CTNNA3: variants seen among roughly 807,000 people sequenced by gnomAD.
CTNNA3 encodes the protein catenin alpha-3.
Under a neutral mutation model 95.7 loss-of-function variants are expected in CTNNA3, and 76 were observed. That is an observed-to-expected ratio of 0.79 (90% confidence interval 0.66 to 0.96). CTNNA3 has a LOEUF of 0.96. CTNNA3 is among the 40% of genes least tolerant of loss of function. CTNNA3 has a pLI of 0.00. For synonymous variants in CTNNA3, 431 were observed against 374.4 expected (o/e 1.15, Z -1.74); for missense variants, 1,191 against 1,089.8 (o/e 1.09, Z -1.31).
At chr10:66,271,543 CA>C (rs1381864074) in intron 13 of CTNNA3, among the ~76,000 whole-genome samples, 2 of 152,108 alleles carry the variant, frequency 1.3e-5, no homozygotes, top group African/African-American at 4.8e-5. Context: ...TAACAAAAAG[CA>C]AACCAAAAAC....
intron 13 of CTNNA3, among the ~76,000 whole-genome samples, chr10:66,172,110 C>G (rs1453128889): frequency 6.6e-6 from 1 of 151,906 alleles, no homozygotes; most frequent in Non-Finnish European, 1.5e-5. Context: ...TTACATGTAT[C>G]CCTTATGAGA....
intron 10 of CTNNA3, 24 bp downstream of exon 10, chr10:66,621,668 C>T: frequency 7.1e-7 from 1 of 1,408,992 alleles, no homozygotes; most frequent in South Asian, 1.2e-5. Context: ...ATTTTACACA[C>T]AAAAAGTAAC....
chr10:67,567,775 C>T (rs1386748697), intron 3 of CTNNA3, among the ~76,000 whole-genome samples: 2 of 152,014 alleles, frequency 1.3e-5, no homozygotes, highest in African/African-American at 4.8e-5. Context: ...GCTAAACTGC[C>T]TCCCATCTAT....
chr10:66,261,485 A>G (rs2132101891), intron 13 of CTNNA3, among the ~76,000 whole-genome samples: 2 of 152,228 alleles, frequency 1.3e-5, no homozygotes, highest in Admixed American at 1.3e-4. Context: ...ACATTGTATT[A>G]CAATTGTATT....
chr10:66,003,853 T>C (rs575476472), intron 15 of CTNNA3, among the ~76,000 whole-genome samples: 12 of 152,222 alleles, frequency 7.9e-5, no homozygotes, highest in Non-Finnish European at 1.3e-4. Context: ...CCAGCACTGC[T>C]GCATAGAACT....
At chr10:66,983,227 C>G (rs537936402) in intron 7 of CTNNA3, among the ~76,000 whole-genome samples, 1 of 152,282 alleles carries the variant, frequency 6.6e-6, no homozygotes, top group East Asian at 1.9e-4. Flanking sequence ...GAGGCTTTGG[C>G]TGCCACAGAT....
At chr10:67,587,484 A>G (rs1842671294) in intron 3 of CTNNA3, among the ~76,000 whole-genome samples, 1 of 152,086 alleles carries the variant, frequency 6.6e-6, no homozygotes, top group South Asian at 2.1e-4. Context: ...CTTGCTGGAT[A>G]TAGAATTATT....
intron 9 of CTNNA3, among the ~76,000 whole-genome samples, chr10:66,661,819 G>A (rs2132444693): frequency 6.6e-6 from 1 of 152,260 alleles, no homozygotes; most frequent in East Asian, 1.9e-4. Context: ...TTCCCAGAGA[G>A]ATGGCAAAAG....
At chr10:66,279,308 C>T (rs1408073918) in intron 13 of CTNNA3, among the ~76,000 whole-genome samples, 2 of 152,046 alleles carry the variant, frequency 1.3e-5, no homozygotes, top group Non-Finnish European at 1.5e-5. Context: ...CTCAGCACTT[C>T]TATATCCATC....
intron 5 of CTNNA3, among the ~76,000 whole-genome samples, chr10:67,235,761 C>T (rs1240410722): frequency 6.2e-5 from 9 of 144,046 alleles, no homozygotes; most frequent in Non-Finnish European, 1.2e-4. Flanking sequence ...TTGCAATCTA[C>T]TCATCTGACA....
intron 5 of CTNNA3, among the ~76,000 whole-genome samples, chr10:67,341,087 T>A (rs1485812268): frequency 6.6e-6 from 1 of 152,162 alleles, no homozygotes; most frequent in Non-Finnish European, 1.5e-5. Flanking sequence ...GGTATAAATA[T>A]TTATAGGGTA....
chr10:66,056,525 T>C (rs963646750), intron 15 of CTNNA3, among the ~76,000 whole-genome samples: 3 of 152,246 alleles, frequency 2.0e-5, no homozygotes, highest in Non-Finnish European at 4.4e-5. Context: ...GTTTTGGTAT[T>C]AGGATAATAC....
chr10:65,964,317 C>A (rs966122936), intron 17 of CTNNA3, among the ~76,000 whole-genome samples: 1 of 152,134 alleles, frequency 6.6e-6, no homozygotes, highest in African/African-American at 2.4e-5. Context: ...CAAAAGGGGG[C>A]ATGCTCTCCT....
chr10:66,831,778 A>T (rs1452170925), intron 7 of CTNNA3, among the ~76,000 whole-genome samples: 1 of 152,136 alleles, frequency 6.6e-6, no homozygotes, highest in Non-Finnish European at 1.5e-5. Context: ...GCATGAAAAC[A>T]ATCCACTATT....
intron 11 of CTNNA3, among the ~76,000 whole-genome samples, chr10:66,384,130 C>T (rs1298010387): frequency 6.6e-6 from 1 of 151,988 alleles, no homozygotes; most frequent in African/African-American, 2.4e-5. Context: ...CTAAATACCC[C>T]AATTAAAAGA....
chr10:66,526,434 G>C (rs561167032), intron 10 of CTNNA3, among the ~76,000 whole-genome samples: 100 of 152,188 alleles, frequency 6.6e-4, no homozygotes, highest in African/African-American at 2.4e-3. Context: ...TGATCTACTG[G>C]CCTCAGCCTC....
intron 7 of CTNNA3, among the ~76,000 whole-genome samples, chr10:66,958,191 G>A (rs1848922392): frequency 6.6e-6 from 1 of 150,694 alleles, no homozygotes; most frequent in African/African-American, 2.4e-5. Flanking sequence ...AAAGAGAAAG[G>A]AAGAAAATAA....
intron 6 of CTNNA3, among the ~76,000 whole-genome samples, chr10:67,192,992 A>G (rs1863187615): frequency 6.6e-6 from 1 of 152,054 alleles, no homozygotes; most frequent in Non-Finnish European, 1.5e-5. Context: ...GCTAAGTGAA[A>G]TAAGCCAAAC....
intron 1 of CTNNA3, among the ~76,000 whole-genome samples, chr10:67,662,530 G>T (rs1258496303): frequency 6.6e-6 from 1 of 152,140 alleles, no homozygotes; most frequent in African/African-American, 2.4e-5. Context: ...CAAGAAGAAA[G>T]AATGAACCAA....
Sources: gnomAD v4.1 joint callset for allele counts (sites outside exome capture counted in the v4.1 genomes callset) on GRCh38, gnomAD v4.1.1 for gene constraint, MANE v1.5 for transcripts, NCBI Gene and HGNC (gene_info 2026-07-23, HGNC 2026-07-21) for gene names.